Variants in TCF20 observed in about 807,000 individuals in gnomAD.
TCF20 encodes SPRE-binding protein.
Under a neutral mutation model 148.6 loss-of-function variants are expected in TCF20, and 3 were observed. The ratio of observed to expected loss-of-function variants is 0.02; its 90% confidence interval spans 0.01 to 0.05. The LOEUF (loss-of-function observed/expected upper bound fraction) is 0.05. Ranked by LOEUF, TCF20 falls within the 10% of genes least tolerant of loss-of-function variation. TCF20 has a pLI of 1.00. For missense variants in TCF20, 2,350 were observed against 2,429.3 expected, an observed-to-expected ratio of 0.97 and a Z score of 0.69; for synonymous variants, 1,049 against 909.5, an observed-to-expected ratio of 1.15 and a Z score of -2.76.
At chr22:42,189,197 G>A (rs1173679407) in intron 2 of TCF20, among the ~76,000 whole-genome samples, 1 of 152,184 alleles carries the variant, frequency 6.6e-6, no homozygotes, top group Non-Finnish European at 1.5e-5. Flanking sequence ...GCATACAAGA[G>A]GCAGCATAGA....
At chr22:42,248,231 A>G (rs940533752) in intron 1 of TCF20, among the ~76,000 whole-genome samples, 1 of 152,200 alleles carries the variant, frequency 6.6e-6, no homozygotes, top group African/African-American at 2.4e-5. Flanking sequence ...GTGGGGAGAA[A>G]GCAGCAGCCA....
chr22:42,185,771 A>G (rs1346578920), intron 2 of TCF20, among the ~76,000 whole-genome samples: 1 of 152,200 alleles, frequency 6.6e-6, no homozygotes. Flanking sequence ...CCTTAGAGCT[A>G]GACGATCTCC....
chr22:42,212,631 G>A lies in TCF20; in HGVS notation c.2675C>T (p.Thr892Ile). The A allele has an allele frequency of 6.2e-7, 1 of 1,614,156 alleles. No individual in the cohort carries two copies. The highest frequency in any genetic ancestry group is 2.2e-5 in the East Asian group (1 of 44,886). ...AHSLGHMSAD[T>I]RIGRNDRLNP... ...GAGACGGTCATTCCTCCCAATTCTG[G>A]TGTCGGCACTCATGTGTCCCAGTGA... The change falls in exon 2 of 6, where the codon ACC (threonine) becomes ATC (isoleucine). Residue 892 changes from threonine (T) to isoleucine (I), a missense_variant. This residue lies in a region of TCF20 where 1,641 missense variants were observed against 1,662.6 expected (regional missense o/e 0.99). Transcript: ENST00000677622.
At chr22:42,305,080 G>A (rs781257743) in intron 1 of TCF20, among the ~76,000 whole-genome samples, 1 of 152,064 alleles carries the variant, frequency 6.6e-6, no homozygotes, top group African/African-American at 2.4e-5. Context: ...CCATGGGAGA[G>A]AGAAAGCAGG....
chr22:42,170,538 G>T (rs1936062508), intron 3 of TCF20, among the ~76,000 whole-genome samples: 1 of 137,952 alleles, frequency 7.2e-6, no homozygotes, highest in Non-Finnish European at 1.5e-5. Context: ...TGAGGCAGGA[G>T]AATCACTTGA....
In TCF20 at chr22:42,161,972, CTTTTTTTTT is replaced by C. The variant is rs3045573; in HGVS notation, c.*45-623_*45-615del. 2.5e-3 allele frequency among the ~76,000 whole-genome samples: 187 copies of C among 75,026 alleles called. No homozygotes were observed. The Middle Eastern group carries it at 0.029, about 12-fold the overall frequency. 49.2% of individuals were successfully genotyped at this position (75,026 alleles called of 152,430 possible). On this transcript the variant is annotated intron_variant, in intron 5 of 5. Coordinates refer to ENST00000677622, the MANE Select transcript of TCF20 (RefSeq NM_001378418.1). ...GCCACCATGCTTGGCTAATGACAGT[CTTTTTTTTT>C]TTTTTTTTTTTTTTTTTTTGAGACA...
chr22:42,240,155 T>C (rs1350049730), intron 1 of TCF20, among the ~76,000 whole-genome samples: 1 of 152,248 alleles, frequency 6.6e-6, no homozygotes, highest in East Asian at 1.9e-4. Flanking sequence ...GTACAATTAT[T>C]ATTTCCATTT....
intron 3 of TCF20, 117 bp downstream of exon 3, chr22:42,179,488 GACAA>G (rs1936653404): frequency 1.9e-6 from 1 of 532,062 alleles, no homozygotes; most frequent in Admixed American, 4.5e-5. Context: ...TTTATGAAGT[GACAA>G]AAAAAAAAAA....
At chr22:42,254,852 A>C (rs888511949) in intron 1 of TCF20, among the ~76,000 whole-genome samples, 3 of 149,468 alleles carry the variant, frequency 2.0e-5, no homozygotes, top group Non-Finnish European at 4.4e-5. Flanking sequence ...GTAGTCCCAA[A>C]TACTCTGGAG....
chr22:42,195,611 C>A (rs1184338329), intron 2 of TCF20, among the ~76,000 whole-genome samples: 1 of 151,774 alleles, frequency 6.6e-6, no homozygotes, highest in African/African-American at 2.4e-5. Context: ...GCGATTCTCC[C>A]GCCTCAGCCT....
upstream of TCF20, among the ~76,000 whole-genome samples, chr22:42,288,186 G>A (rs141558283): frequency 0.015 from 2,301 of 152,242 alleles, 229 homozygotes; most frequent in Admixed American, 0.14. Flanking sequence ...CTTGAGGCCA[G>A]GAGTTCAAGA....
intron 1 of TCF20, among the ~76,000 whole-genome samples, chr22:42,326,640 C>A (rs952273669): frequency 5.9e-5 from 9 of 152,214 alleles, no homozygotes; most frequent in Non-Finnish European, 1.3e-4. Context: ...CTCAGCCCTG[C>A]CGTTTAGCCA....
intron 2 of TCF20, among the ~76,000 whole-genome samples, chr22:42,201,711 T>C (rs1242891996): frequency 2.0e-5 from 3 of 151,974 alleles, no homozygotes; most frequent in Admixed American, 6.6e-5. Context: ...AAGGTTTCAG[T>C]GAGCCGAAAT....
At chr22:42,172,021 G>A (rs1269094442) in intron 3 of TCF20, among the ~76,000 whole-genome samples, 1 of 152,210 alleles carries the variant, frequency 6.6e-6, no homozygotes, top group Non-Finnish European at 1.5e-5. Context: ...GCAGAAAAGA[G>A]TAAGACACTA....
At chr22:42,225,422 G>C (rs1922789686) in intron 1 of TCF20, among the ~76,000 whole-genome samples, 1 of 151,224 alleles carries the variant, frequency 6.6e-6, no homozygotes, top group East Asian at 2.0e-4. Flanking sequence ...AGACCATCCT[G>C]GCTAACAAGG....
chr22:42,179,560 G>A (rs780550316), intron 3 of TCF20, 49 bp downstream of exon 3: 38 of 1,084,566 alleles, frequency 3.5e-5, no homozygotes, highest in Non-Finnish European at 5.2e-5. Flanking sequence ...CAAACTGTAT[G>A]TCCTAATCCT....
chr22:42,302,987 T>C (rs375261759), intron 1 of TCF20, among the ~76,000 whole-genome samples: 2 of 152,080 alleles, frequency 1.3e-5, no homozygotes, highest in East Asian at 3.8e-4. Context: ...TGGAGTGCAG[T>C]GGCACAATCT....
chr22:42,203,359 T>G (rs1938169429), intron 2 of TCF20, among the ~76,000 whole-genome samples: 1 of 152,096 alleles, frequency 6.6e-6, no homozygotes, highest in Middle Eastern at 3.4e-3. Flanking sequence ...TAAAATCAAG[T>G]GTAATGCTCC....
At chr22:42,278,174 G>T (rs1926821447) in intron 1 of TCF20, 2 of 152,256 alleles carry the variant, frequency 1.3e-5, no homozygotes, top group African/African-American at 4.8e-5. Flanking sequence ...CCAGGCATCT[G>T]CCTGCGGCCG....
Sources: allele counts gnomAD v4.1 joint callset (sites outside exome capture counted in the v4.1 genomes callset), GRCh38; gene constraint gnomAD v4.1.1; regional missense constraint gnomAD v4.1.1; transcripts MANE v1.5; gene names NCBI Gene and HGNC (gene_info 2026-07-23, HGNC 2026-07-21).